The following FAS variants were observed in gnomAD, a reference collection of about 807,000 sequenced individuals.
FAS encodes Fas cell surface death receptor, also known as tumor necrosis factor receptor superfamily member 6.
A neutral mutation model predicts 33.2 loss-of-function variants in FAS; 5 were observed. The observed-to-expected ratio is 0.15, with a 90% confidence interval of 0.08 to 0.32. FAS has a LOEUF of 0.32. FAS is among the 10% of genes least tolerant of loss of function. The pLI is 1.00. For synonymous variants in FAS, 131 were observed against 130.7 expected, an observed-to-expected ratio of 1.00 and a Z score of -0.01; for missense variants, 339 against 386.0, an observed-to-expected ratio of 0.88 and a Z score of 1.02.
chr10:89,006,478 A>G (rs2133493783), intron 2 of FAS, among the ~76,000 whole-genome samples: 1 of 152,334 alleles, frequency 6.6e-6, no homozygotes, highest in African/African-American at 2.4e-5. Context: ...ACACAGCAGA[A>G]ATTAATTTTG....
Position 89,015,776 on chromosome 10 carries a change from GT to G in FAS, c.*1331del. 6 of 478,494 alleles carry G rather than the reference GT, an allele frequency of 1.3e-5. No homozygotes were observed. The highest frequency in any genetic ancestry group is 2.7e-5 in the Admixed American group (1 of 37,622). The allele number at this position is 478,494 out of a possible 1,614,324, so 29.6% of individuals were successfully genotyped here. A position where few individuals can be genotyped will look rare whatever the true frequency, so the allele number is the denominator to read the frequency against. Reference sequence around the variant, plus strand: ...AGGTAAAAGTACGTAATTAAATAATGTTTTTGGTATTTCTGGTTTTCTCTTT... The same window carrying G: ...AGGTAAAAGTACGTAATTAAATAATGTTTTGGTATTTCTGGTTTTCTCTTT... On this transcript the variant is annotated 3_prime_UTR_variant, in exon 9 of 9. Transcript: ENST00000652046.
intron 1 of FAS, among the ~76,000 whole-genome samples, chr10:88,996,533 G>C (rs534582334): frequency 3.9e-5 from 6 of 152,208 alleles, no homozygotes; most frequent in African/African-American, 1.4e-4. Context: ...TGTACAACTT[G>C]ATGTCTATAG....
At chr10:88,995,039 T>A (rs1300955861) in intron 1 of FAS, among the ~76,000 whole-genome samples, 1 of 152,066 alleles carries the variant, frequency 6.6e-6, no homozygotes, top group Non-Finnish European at 1.5e-5. Flanking sequence ...TACTTCCTTA[T>A]AAGGTACAAC....
chr10:88,986,936 A>C (rs983751), upstream of FAS, among the ~76,000 whole-genome samples: 137,357 of 152,256 alleles, frequency 0.9, 62,198 homozygotes, highest in East Asian at 0.99. Context: ...GTACTAGGTG[A>C]TTTGCATATG....
rs1169657584 is a variant in FAS, at chr10:89,010,776, C to T, written c.529C>T (p.Leu177Phe). The change falls in exon 6 of 9, where the codon CTT becomes TTT. Residue 177 changes from leucine to phenylalanine, a missense_variant. Around this residue, in one of 3 missense-constraint regions of FAS, gnomAD observed 276 missense variants for 300.1 expected, o/e 0.92. Transcript: ENST00000652046. ...EEGSRSNLGW[L>F]CLLLLPIPLI... Reference sequence around the variant, plus strand: ...AGGATCCAGATCTAACTTGGGGTGGCTTTGTCTTCTTCTTTTGCCAATTCC... The same window carrying T: ...AGGATCCAGATCTAACTTGGGGTGGTTTTGTCTTCTTCTTTTGCCAATTCC... 5 of 1,614,066 alleles carry T rather than the reference C, an allele frequency of 3.1e-6. No homozygotes were observed. Among genetic ancestry groups the T allele is most frequent in the Non-Finnish European group, 4.2e-6 (5 of 1,179,988 alleles).
At chr10:88,986,348 G>T (rs113097831), upstream of FAS, among the ~76,000 whole-genome samples, 305 of 152,238 alleles carry the variant, frequency 2.0e-3, 2 homozygotes, top group African/African-American at 6.5e-3. Flanking sequence ...CAGGGGAGGG[G>T]TACTCAATTG....
Position 89,014,373 on chromosome 10 carries a change from C to G in FAS, c.931C>G (p.Gln311Glu), listed in dbSNP as rs2119448179. Residue 311 changes from glutamine (Q) to glutamate (E), a missense_variant, in exon 9 of 9, where the codon CAG (glutamine) becomes GAG (glutamate). Coordinates refer to ENST00000652046, the MANE Select transcript of FAS (RefSeq NM_000043.6). Reference sequence around the variant, plus strand: ...TCTTTGTACTCTTGCAGAGAAAATTCAGACTATCATCCTCAAGGACATTAC... The same window carrying G: ...TCTTTGTACTCTTGCAGAGAAAATTGAGACTATCATCCTCAAGGACATTAC... The part of the protein sequence containing the change: ...ANLCTLAEKI[Q>E]TIILKDITSD... 6.2e-7 allele frequency: 1 copy of G among 1,613,666 alleles called. No individual in the cohort carries two copies. Among genetic ancestry groups the G allele is most frequent in the Non-Finnish European group, 8.5e-7 (1 of 1,179,938 alleles).
At chr10:89,009,246 C>T (rs1226071602) in intron 4 of FAS, among the ~76,000 whole-genome samples, 1 of 152,186 alleles carries the variant, frequency 6.6e-6, no homozygotes, top group African/African-American at 2.4e-5. Context: ...TCCAGAAGCA[C>T]AGACAGTCAA....
chr10:88,969,450 AT>A (rs1184793230), intron 1 of FAS, among the ~76,000 whole-genome samples: 2 of 152,230 alleles, frequency 1.3e-5, no homozygotes, highest in Non-Finnish European at 2.9e-5. Flanking sequence ...CAAAGAAAGC[AT>A]GCCCCCATTG....
chr10:88,976,382 A>G (rs1846564859), intron 2 of FAS, among the ~76,000 whole-genome samples: 1 of 152,242 alleles, frequency 6.6e-6, no homozygotes, highest in Non-Finnish European at 1.5e-5. Context: ...CAGAGTAAAC[A>G]AGGGGAAACT....
intron 2 of FAS, among the ~76,000 whole-genome samples, chr10:88,980,607 G>A (rs1846687388): frequency 6.6e-6 from 1 of 152,200 alleles, no homozygotes; most frequent in African/African-American, 2.4e-5. Flanking sequence ...ATGGTACAAA[G>A]TAGGTACTCG....
chr10:88,991,683 T>G (rs1176735583), intron 1 of FAS: 2 of 152,642 alleles, frequency 1.3e-5, no homozygotes, highest in Non-Finnish European at 2.9e-5. Context: ...TTCTCTTTCT[T>G]CTTTTGCCCT....
intron 1 of FAS, among the ~76,000 whole-genome samples, chr10:89,000,938 C>T (rs749020572): frequency 2.0e-5 from 3 of 152,132 alleles, no homozygotes; most frequent in South Asian, 2.1e-4. Context: ...CCCACCTACT[C>T]GGGAGGCTGA....
Position 89,010,594 on chromosome 10 carries a change from G to A in FAS, c.499G>A (p.Glu167Lys), listed in dbSNP as rs374502752. 1 of 1,613,740 alleles carries A rather than the reference G, an allele frequency of 6.2e-7. No individual in the cohort carries two copies. Among genetic ancestry groups the A allele is most frequent in the Non-Finnish European group, 8.5e-7 (1 of 1,179,890 alleles). ...CTLTSNTKCK[E>K]EGSRSNLGWL... ...ACTCACCAGCAACACCAAGTGCAAA[G>A]AGGAAGGTAATTATTTTTTTACGGT... Residue 167 changes from glutamate to lysine, a missense_variant, in exon 5 of 9, where the codon GAG becomes AAG. Transcript: ENST00000652046.
chr10:89,004,100 C>T lies in FAS; in HGVS notation c.196+906C>T, dbSNP rs369836715. On this transcript the variant is annotated intron_variant, in intron 2 of 8. Transcript: ENST00000652046. Reference sequence around the variant, plus strand: ...CTTCTCCAACACGAATAAAGAATGGCGTCCTGGCTTTATTATAACCTGCTA... The same window carrying T: ...CTTCTCCAACACGAATAAAGAATGGTGTCCTGGCTTTATTATAACCTGCTA... Among the ~76,000 whole-genome samples, 176 of 152,270 alleles carry T rather than the reference C, an allele frequency of 1.2e-3. 2 individuals carry two copies. The South Asian group carries it at 0.012, about 10-fold the overall frequency.
chr10:89,005,748 C>T (rs1251369592), intron 2 of FAS, among the ~76,000 whole-genome samples: 1 of 152,194 alleles, frequency 6.6e-6, no homozygotes, highest in Non-Finnish European at 1.5e-5. Flanking sequence ...AGCAATTCTG[C>T]AGCCTCAGCC....
intron 2 of FAS, among the ~76,000 whole-genome samples, chr10:88,981,453 C>T (rs530667714): frequency 4.6e-5 from 7 of 151,860 alleles, no homozygotes; most frequent in South Asian, 4.2e-4. Flanking sequence ...TAACTATATT[C>T]ACACCAGGAA....
intron 2 of FAS, among the ~76,000 whole-genome samples, chr10:89,005,047 T>G (rs950859016): frequency 1.2e-4 from 18 of 152,256 alleles, no homozygotes; most frequent in Admixed American, 1.2e-3. Flanking sequence ...AAAGATGAGC[T>G]GCTAAAATGT....
At chr10:88,976,941 G>T (rs1846578460) in intron 2 of FAS, among the ~76,000 whole-genome samples, 1 of 152,228 alleles carries the variant, frequency 6.6e-6, no homozygotes, top group Non-Finnish European at 1.5e-5. Flanking sequence ...TATATCTGGT[G>T]AAGGTAATTT....
Sources: allele counts gnomAD v4.1 joint callset (sites outside exome capture counted in the v4.1 genomes callset), GRCh38; gene constraint gnomAD v4.1.1; regional missense constraint gnomAD v4.1.1; transcripts MANE v1.5; gene names NCBI Gene and HGNC (gene_info 2026-07-23, HGNC 2026-07-21).